Variants in MYLK4 observed in about 807,000 individuals in gnomAD.
MYLK4 encodes the protein caMLCK like.
A neutral mutation model predicts 48.1 loss-of-function variants in MYLK4; 46 were observed. That is an observed-to-expected ratio of 0.96 (90% confidence interval 0.75 to 1.22). The LOEUF is 1.22. MYLK4 is among the 50% of genes most tolerant of loss of function. The pLI, the probability that MYLK4 is intolerant of heterozygous loss-of-function variation, is 0.00. For missense variants in MYLK4, 451 were observed against 486.1 expected, an observed-to-expected ratio of 0.93 and a Z score of 0.68; for synonymous variants, 170 against 180.8, an observed-to-expected ratio of 0.94 and a Z score of 0.48.
chr6:2,678,639 C>A (rs1761176253), intron 9 of MYLK4, among the ~76,000 whole-genome samples: 1 of 151,788 alleles, frequency 6.6e-6, no homozygotes, highest in Admixed American at 6.6e-5. Context: ...AGTGCTACTA[C>A]ATGCTCAGAT....
rs191354000 is a variant in MYLK4 at position 2,702,181 on chromosome 6, T to C, written c.160-9322A>G. ...GAAGAGCATGCATAACTAGGTATCATGTGCCTGGAACTTTCCACTAATCTC... is the reference window on the plus strand; with the variant it reads ...GAAGAGCATGCATAACTAGGTATCACGTGCCTGGAACTTTCCACTAATCTC... On this transcript the variant is annotated intron_variant, in intron 2 of 12. Coordinates refer to ENST00000274643, the MANE Select transcript of MYLK4 (RefSeq NM_001012418.5). 6.0e-4 allele frequency among the ~76,000 whole-genome samples: 92 copies of C among 152,304 alleles called. No individual in the cohort carries two copies. In the East Asian group the frequency reaches 0.017, roughly 27 times the overall value.
chr6:2,700,902 C>T (rs916453666), intron 2 of MYLK4, among the ~76,000 whole-genome samples: 7 of 152,164 alleles, frequency 4.6e-5, no homozygotes, highest in South Asian at 2.1e-4. Flanking sequence ...TAGCACTTTG[C>T]GTAAAAGTAT....
upstream of MYLK4, among the ~76,000 whole-genome samples, chr6:2,754,513 G>A (rs942290993): frequency 6.6e-6 from 1 of 152,174 alleles, no homozygotes; most frequent in South Asian, 2.1e-4. Flanking sequence ...GGTGGTTGCC[G>A]GGGGCTGGGT....
At chr6:2,759,909 T>G in the MYLK4 span, among the ~76,000 whole-genome samples, 21 of 152,336 alleles carry the variant, frequency 1.4e-4, no homozygotes, top group African/African-American at 5.1e-4. Context: ...ATCTTTCCAA[T>G]AATTTGACAA....
At chr6:2,730,213 C>T (rs1000555037) in intron 2 of MYLK4, among the ~76,000 whole-genome samples, 1 of 152,168 alleles carries the variant, frequency 6.6e-6, no homozygotes, top group Non-Finnish European at 1.5e-5. Flanking sequence ...GGAGGGGAAG[C>T]GCTGTCAGCT....
the MYLK4 span, among the ~76,000 whole-genome samples, chr6:2,767,724 C>T: frequency 6.6e-6 from 1 of 152,182 alleles, no homozygotes; most frequent in Non-Finnish European, 1.5e-5. Flanking sequence ...CCCCAGACAG[C>T]AAGAAGGTCC....
At chr6:2,668,813 T>C (rs1760767968) in intron 12 of MYLK4, among the ~76,000 whole-genome samples, 1 of 152,186 alleles carries the variant, frequency 6.6e-6, no homozygotes, top group Non-Finnish European at 1.5e-5. Context: ...CTTATTCCTG[T>C]AATCTCAGTG....
At chr6:2,724,714 G>A (rs1006492576) in intron 2 of MYLK4, among the ~76,000 whole-genome samples, 4 of 152,118 alleles carry the variant, frequency 2.6e-5, no homozygotes, top group African/African-American at 7.2e-5. Flanking sequence ...AGCCCAGCCC[G>A]GTCTGTCTCT....
intron 2 of MYLK4, among the ~76,000 whole-genome samples, chr6:2,714,753 C>A (rs1335038293): frequency 2.0e-5 from 3 of 152,226 alleles, no homozygotes; most frequent in Non-Finnish European, 4.4e-5. Flanking sequence ...GTGGTATATA[C>A]ACACAATAGA....
At chr6:2,752,708 G>T (rs1764327123), upstream of MYLK4, among the ~76,000 whole-genome samples, 1 of 152,148 alleles carries the variant, frequency 6.6e-6, no homozygotes, top group Non-Finnish European at 1.5e-5. Flanking sequence ...CTGGAGATAA[G>T]AATTTGGAAG....
chr6:2,686,360 T>C (rs1458937303), intron 4 of MYLK4, among the ~76,000 whole-genome samples: 1 of 152,240 alleles, frequency 6.6e-6, no homozygotes, highest in East Asian at 1.9e-4. Context: ...TATGTAACAA[T>C]ACTGCATATA....
chr6:2,698,059 T>C (rs1337367912), intron 2 of MYLK4, among the ~76,000 whole-genome samples: 1 of 152,210 alleles, frequency 6.6e-6, no homozygotes, highest in Non-Finnish European at 1.5e-5. Flanking sequence ...GCCAGCAATA[T>C]CAACGGCCAT....
At chr6:2,717,206 CA>C (rs1293374804) in intron 2 of MYLK4, among the ~76,000 whole-genome samples, 1 of 152,212 alleles carries the variant, frequency 6.6e-6, no homozygotes, top group Non-Finnish European at 1.5e-5. Context: ...TTTGAAAGTC[CA>C]GTACGTAATT....
intron 12 of MYLK4, 40 bp downstream of exon 12, chr6:2,671,236 A>T: frequency 7.6e-7 from 1 of 1,308,680 alleles, no homozygotes; most frequent in Non-Finnish European, 1.1e-6. Context: ...CTATCTCTTA[A>T]GGCCTTCACA....
Position 2,748,991 on chromosome 6 carries a change from C to T in MYLK4, c.159+145G>A, listed in dbSNP as rs527660053. 1.4e-4 allele frequency: 94 copies of T among 686,588 alleles called. No individual in the cohort carries two copies. The African/African-American group carries it at 1.5e-3, about 11-fold the overall frequency. The allele number at this position is 686,588 out of a possible 1,614,324, so 42.5% of individuals were successfully genotyped here. A position where few individuals can be genotyped will look rare whatever the true frequency, so the allele number is the denominator to read the frequency against. On this transcript the variant is annotated intron_variant, in intron 2 of 12. Coordinates refer to ENST00000274643, the MANE Select transcript of MYLK4 (RefSeq NM_001012418.5). ...TATTTACCAAACACAATTGTATAGT[C>T]GACACACACAATTCTCACTGAAGCA...
rs1268841498 is a variant in MYLK4, at chr6:2,664,175, G to A, written c.*3750C>T. The A allele has an allele frequency of 6.6e-6, 1 of 152,214 alleles. No homozygotes were observed. Among genetic ancestry groups the A allele is most frequent in the African/African-American group, 2.4e-5 (1 of 41,444 alleles). The allele number at this position is 152,214 out of a possible 1,614,324, so 9.4% of individuals were successfully genotyped here. A position where few individuals can be genotyped will look rare whatever the true frequency, so the allele number is the denominator to read the frequency against. ...AAGAAAATTTCTTAATCTCAAAAAGGCTTTCAGGGAGCATGGTGATGGATA... is the reference window on the plus strand; with the variant it reads ...AAGAAAATTTCTTAATCTCAAAAAGACTTTCAGGGAGCATGGTGATGGATA... On this transcript the variant is annotated 3_prime_UTR_variant, in exon 13 of 13. Coordinates refer to ENST00000274643, the MANE Select transcript of MYLK4 (RefSeq NM_001012418.5).
At chr6:2,715,413 T>C (rs1316087763) in intron 2 of MYLK4, among the ~76,000 whole-genome samples, 1 of 152,206 alleles carries the variant, frequency 6.6e-6, no homozygotes, top group East Asian at 1.9e-4. Flanking sequence ...ATGTTATGTG[T>C]CTTTTACTAC....
At chr6:2,708,364 A>G (rs1561855871) in intron 2 of MYLK4, among the ~76,000 whole-genome samples, 1 of 152,194 alleles carries the variant, frequency 6.6e-6, no homozygotes, top group Non-Finnish European at 1.5e-5. Context: ...TTCAGAGAAT[A>G]CCAAAGTGCT....
chr6:2,769,796 A>G, the MYLK4 span, among the ~76,000 whole-genome samples: 1 of 152,244 alleles, frequency 6.6e-6, no homozygotes, highest in Non-Finnish European at 1.5e-5. Flanking sequence ...GCTATGTGCC[A>G]GTTCAGCCTT....
Sources: allele counts gnomAD v4.1 joint callset (sites outside exome capture counted in the v4.1 genomes callset), GRCh38; gene constraint gnomAD v4.1.1; transcripts MANE v1.5; gene names NCBI Gene and HGNC (gene_info 2026-07-23, HGNC 2026-07-21).